The following ROS1 variants were observed in gnomAD, a reference collection of about 807,000 sequenced individuals.
ROS1 encodes the protein proto-oncogene tyrosine-protein kinase ROS.
Under a neutral mutation model 273.5 loss-of-function variants are expected in ROS1, and 263 were observed. The observed-to-expected ratio is 0.96, with a 90% CI of 0.87 to 1.06. The LOEUF is 1.06. Among genes scored for constraint, ROS1 ranks in the 50% least tolerant of loss-of-function variants. The probability of loss-of-function intolerance (pLI) is 0.00; values close to 1 mark genes in which losing one functional copy is unlikely to be tolerated. For synonymous variants in ROS1, 1,008 were observed against 954.1 expected (o/e 1.06, Z -1.04); for missense variants, 2,833 against 2,751.1 (o/e 1.03, Z -0.67).
chr6:117,399,020 C>CAGCTAAA (rs1364931570), intron 7 of ROS1, among the ~76,000 whole-genome samples: 1 of 149,630 alleles, frequency 6.7e-6, no homozygotes, highest in African/African-American at 2.5e-5. Flanking sequence ...GTCATTCCCA[C>CAGCTAAA]AGCTAAAAGA....
At chr6:117,368,527 AG>A (rs1780457570) in intron 18 of ROS1, among the ~76,000 whole-genome samples, 1 of 152,202 alleles carries the variant, frequency 6.6e-6, no homozygotes, top group African/African-American at 2.4e-5. Flanking sequence ...ACTACAGACT[AG>A]AGCCGTACTG....
At chr6:117,386,048 G>C (rs1386893485) in intron 15 of ROS1, among the ~76,000 whole-genome samples, 187 bp from the exon 16 acceptor site, 1 of 152,230 alleles carries the variant, frequency 6.6e-6, no homozygotes, top group African/African-American at 2.4e-5. Context: ...AAACCAGGGA[G>C]AACAGTGGAT....
chr6:117,307,186 G>A (rs1233030494), intron 42 of ROS1, among the ~76,000 whole-genome samples: 2 of 152,016 alleles, frequency 1.3e-5, no homozygotes, highest in African/African-American at 4.8e-5. Context: ...CCACAATACA[G>A]CAATTTGTTA....
chr6:117,392,732 C>T (rs1376988294), intron 12 of ROS1, among the ~76,000 whole-genome samples: 1 of 152,138 alleles, frequency 6.6e-6, no homozygotes, highest in Non-Finnish European at 1.5e-5. Flanking sequence ...GCAGAGTTAT[C>T]AATCAGCTCC....
intron 32 of ROS1, among the ~76,000 whole-genome samples, chr6:117,335,027 A>G (rs1175090269): frequency 6.6e-6 from 1 of 152,222 alleles, no homozygotes; most frequent in East Asian, 1.9e-4. Context: ...TGTACAGCAA[A>G]AGAAACTATC....
rs150852319 is a variant in ROS1 at position 117,342,400 on chromosome 6, C to T, written c.4651G>A (p.Val1551Ile). The T allele has an allele frequency of 1.8e-4, 286 of 1,611,762 alleles. No individual in the cohort carries two copies. The highest frequency in any genetic ancestry group is 8.4e-5 in the Admixed American group (5 of 59,824). ...AACCCACAACAAGCCCATAACTTACCTCCATTTTTAGTTTTTCCCCAAATC... is the reference window on the plus strand; with the variant it reads ...AACCCACAACAAGCCCATAACTTACTTCCATTTTTAGTTTTTCCCCAAATC... ...KEIWGKTKNG[V>I]PEAVQLINTT... The change falls in exon 29 of 44, where the codon GTA becomes ATA. Residue 1551 changes from valine to isoleucine, a missense_variant and splice_region_variant. Val to Ile is a conservative substitution (Grantham distance 29). Coordinates refer to ENST00000368507, the MANE Select transcript of ROS1 (RefSeq NM_001378902.1).
Position 117,318,299 on chromosome 6 carries a change from T to A in ROS1, c.5923-47A>T, listed in dbSNP as rs1354854468. On this transcript the variant is annotated intron_variant, in intron 37 of 43. Transcript: ENST00000368507. Reference sequence around the variant, plus strand: ...CAGGAATCAGTATAGCAGACATTTCTGTGAGCTCAGTGGGTTAATGGAGAT... The same window carrying A: ...CAGGAATCAGTATAGCAGACATTTCAGTGAGCTCAGTGGGTTAATGGAGAT... The A allele has an allele frequency of 2.8e-6, 4 of 1,409,382 alleles. No homozygotes were observed. In the Admixed American group the frequency reaches 6.7e-5, roughly 24 times the overall value. 87.3% of individuals were successfully genotyped at this position (1,409,382 alleles called of 1,614,324 possible).
chr6:117,301,934 A>C (rs1420513492), intron 42 of ROS1, among the ~76,000 whole-genome samples: 1 of 152,010 alleles, frequency 6.6e-6, no homozygotes, highest in Non-Finnish European at 1.5e-5. Flanking sequence ...TCTGTGCAGC[A>C]CTCTTAAGTA....
At chr6:117,362,988 G>A in intron 21 of ROS1, 123 bp from the exon 22 acceptor site, 2 of 838,982 alleles carry the variant, frequency 2.4e-6, no homozygotes, top group East Asian at 2.8e-5. Flanking sequence ...GGCAGTTGCA[G>A]TATATTTATT....
intron 29 of ROS1, 22 bp downstream of exon 29, chr6:117,342,378 C>T: frequency 1.2e-6 from 2 of 1,605,860 alleles, no homozygotes; most frequent in Non-Finnish European, 8.5e-7. Flanking sequence ...CTTGAGAAAC[C>T]CACAACAAGC....
At chr6:117,319,069 T>A (rs2128557645) in intron 37 of ROS1, among the ~76,000 whole-genome samples, 1 of 152,302 alleles carries the variant, frequency 6.6e-6, no homozygotes, top group Middle Eastern at 3.4e-3. Flanking sequence ...CTTTTCTAGT[T>A]GTATAGCTCA....
In ROS1 at chr6:117,386,929, G is replaced by T; in HGVS notation, c.2070C>A (p.Gly690=). The T allele has an allele frequency of 6.2e-7, 1 of 1,612,146 alleles. No individual in the cohort carries two copies. The highest frequency in any genetic ancestry group is 8.5e-7 in the Non-Finnish European group (1 of 1,178,468). The change falls in exon 15 of 44, where the codon GGC becomes GGA. Residue 690 remains glycine (G), a synonymous_variant. Transcript: ENST00000368507. The part of the protein sequence containing the change: ...GLWSKPLNSF[G]PGEFLSSDIG... ...TATCAGAGGATAAGAACTCTCCTGG[G>T]CCAAAGCTATTTAATGGTTTACTCC...
rs144393305 is a variant in ROS1, at chr6:117,288,767, C to A, written c.6751G>T (p.Asp2251Tyr). The change falls in exon 44 of 44, where the codon GAC (aspartate) becomes TAC (tyrosine). Residue 2251 changes from aspartate to tyrosine, a missense_variant. Physicochemically the swap from Asp to Tyr is radical, Grantham distance 160. Transcript: ENST00000368507. ...TCCATTAAAGCAACTGGCATAATGT[C>A]ATCTGAATTCAAACAAATCACATCG... ...DGDVICLNSD[D>Y]IMPVALMETK... 1.9e-6 allele frequency: 3 copies of A among 1,608,116 alleles called. No homozygotes were observed. In the Admixed American group the frequency reaches 5.1e-5, roughly 27 times the overall value.
intron 18 of ROS1, 48 bp from the exon 19 acceptor site, chr6:117,366,338 G>A (rs2128662922): frequency 2.1e-6 from 3 of 1,398,404 alleles, no homozygotes; most frequent in South Asian, 2.3e-5. Flanking sequence ...AGTGGTGGAA[G>A]GGCTGGTCCA....
intron 18 of ROS1, among the ~76,000 whole-genome samples, chr6:117,367,785 T>C (rs1780390809): frequency 6.6e-6 from 1 of 152,164 alleles, no homozygotes; most frequent in Non-Finnish European, 1.5e-5. Flanking sequence ...GTGAAGCTGA[T>C]CTCATTTCAT....
chr6:117,390,041 T>C (rs970658574), intron 12 of ROS1, among the ~76,000 whole-genome samples, 195 bp from the exon 13 acceptor site: 2 of 152,248 alleles, frequency 1.3e-5, no homozygotes, highest in African/African-American at 4.8e-5. Context: ...GTTGGAACAT[T>C]AGAAAATTTC....
At chr6:117,420,778 A>C (rs1775692763) in intron 1 of ROS1, among the ~76,000 whole-genome samples, 1 of 152,062 alleles carries the variant, frequency 6.6e-6, no homozygotes, top group Non-Finnish European at 1.5e-5. Flanking sequence ...AGATTCAATT[A>C]AATGCAATAA....
rs1466068463 is a variant in ROS1, at chr6:117,397,067, G to A, written c.654C>T (p.Asp218=). The A allele has an allele frequency of 6.2e-7, 1 of 1,613,930 alleles. No homozygotes were observed. Among genetic ancestry groups the A allele is most frequent in the Non-Finnish European group, 8.5e-7 (1 of 1,179,828 alleles). Residue 218 remains aspartate, a synonymous_variant, in exon 8 of 44, where the codon GAC becomes GAT. Coordinates refer to ENST00000368507, the MANE Select transcript of ROS1 (RefSeq NM_001378902.1). ...LIRNIESSSP[D]TVEVSWDPPQ... ...GTGGATCCCAGCTGACTTCCACAGT[G>A]TCGGGACTTGAGCTCTCAATATTCC...
intron 15 of ROS1, 76 bp downstream of exon 15, chr6:117,386,813 T>C: frequency 1.4e-6 from 1 of 713,096 alleles, no homozygotes; most frequent in South Asian, 2.3e-5. Flanking sequence ...CCCTATTCTT[T>C]TGATTCATTG....
Sources: allele counts gnomAD v4.1 joint callset (sites outside exome capture counted in the v4.1 genomes callset), GRCh38; gene constraint gnomAD v4.1.1; transcripts MANE v1.5; gene names NCBI Gene and HGNC (gene_info 2026-07-23, HGNC 2026-07-21).